The following TAFA4 variants were observed in gnomAD, a reference collection of about 807,000 sequenced individuals.
The protein encoded by TAFA4 is chemokine-like protein TAFA-4.
A neutral mutation model predicts 21.1 loss-of-function variants in TAFA4; 20 were observed. The observed-to-expected ratio is 0.95, with a 90% CI of 0.67 to 1.38. TAFA4 has a LOEUF of 1.38. Ranked by LOEUF, TAFA4 falls within the 40% of genes most tolerant of loss-of-function variation. TAFA4 has a pLI of 0.00. For synonymous variants in TAFA4, 71 were observed against 67.4 expected (o/e 1.05, Z -0.26); for missense variants, 211 against 180.9 (o/e 1.17, Z -0.95).
At chr3:68,807,780 A>G (rs1290906056) in intron 3 of TAFA4, among the ~76,000 whole-genome samples, 2 of 152,198 alleles carry the variant, frequency 1.3e-5, no homozygotes, top group African/African-American at 2.4e-5. Flanking sequence ...CATCACCTAC[A>G]TAAGATTGCT....
At chr3:68,866,768 T>C (rs990928249) in intron 3 of TAFA4, among the ~76,000 whole-genome samples, 1 of 149,338 alleles carries the variant, frequency 6.7e-6, no homozygotes, top group Non-Finnish European at 1.5e-5. Context: ...GAGAAATTCA[T>C]GTGTTGGACC....
At chr3:68,885,862 A>G (rs922232419) in intron 1 of TAFA4, among the ~76,000 whole-genome samples, 1 of 152,176 alleles carries the variant, frequency 6.6e-6, no homozygotes, top group Non-Finnish European at 1.5e-5. Context: ...CCAAAATATA[A>G]AGAACACTTG....
intron 3 of TAFA4, among the ~76,000 whole-genome samples, chr3:68,812,756 G>C (rs1703870961): frequency 1.3e-5 from 2 of 152,088 alleles, no homozygotes; most frequent in African/African-American, 2.4e-5. Context: ...GTCAACATTA[G>C]ACAGATCAAC....
At chr3:68,774,542 C>G (rs1703016823) in intron 3 of TAFA4, among the ~76,000 whole-genome samples, 1 of 152,108 alleles carries the variant, frequency 6.6e-6, no homozygotes, top group Non-Finnish European at 1.5e-5. Flanking sequence ...TGAATCTTGC[C>G]TTTTACTTTT....
intron 4 of TAFA4, among the ~76,000 whole-genome samples, chr3:68,740,902 T>G (rs911518944): frequency 2.6e-5 from 4 of 152,216 alleles, no homozygotes; most frequent in South Asian, 2.1e-4. Flanking sequence ...TTGAAGAGAC[T>G]ATCCTTTCCC....
intron 3 of TAFA4, among the ~76,000 whole-genome samples, chr3:68,812,925 G>A (rs1703874548): frequency 6.6e-6 from 1 of 152,162 alleles, no homozygotes; most frequent in Non-Finnish European, 1.5e-5. Context: ...ATACTTGGAA[G>A]TAAAGTACTC....
rs1411210246 is a variant in TAFA4, at chr3:68,841,255, G to A, written c.130+39475C>T. ...GGAGAATGGCGTGAACCCGGGAGGC[G>A]GAGCTTGCAGTGAGCCGAGATCCCG... On this transcript the variant is annotated intron_variant, in intron 3 of 5. Coordinates refer to ENST00000295569, the MANE Select transcript of TAFA4 (RefSeq NM_182522.5). 2.6e-5 allele frequency among the ~76,000 whole-genome samples: 2 copies of A among 75,924 alleles called. 1 individual carries two copies. The highest frequency in any genetic ancestry group is 8.5e-5 in the African/African-American group (2 of 23,440). 49.8% of individuals were successfully genotyped at this position (75,924 alleles called of 152,430 possible). A position where few individuals can be genotyped will look rare whatever the true frequency, so the allele number is the denominator to read the frequency against.
At chr3:68,883,625 G>A (rs1185941147) in intron 2 of TAFA4, among the ~76,000 whole-genome samples, 1 of 152,142 alleles carries the variant, frequency 6.6e-6, no homozygotes, top group Non-Finnish European at 1.5e-5. Flanking sequence ...CTAATACAAA[G>A]AGAAAGAGTT....
At chr3:68,833,142 C>G (rs916400128) in intron 3 of TAFA4, among the ~76,000 whole-genome samples, 1 of 152,186 alleles carries the variant, frequency 6.6e-6, no homozygotes, top group Non-Finnish European at 1.5e-5. Context: ...AGGGAAATCC[C>G]CCAACCCTTT....
intron 3 of TAFA4, among the ~76,000 whole-genome samples, chr3:68,772,853 AATCCATCC>A (rs923138200): frequency 3.9e-5 from 6 of 152,028 alleles, no homozygotes; most frequent in African/African-American, 9.7e-5. Context: ...TCCATCCGTC[AATCCATCC>A]ATCCATCCAT....
At chr3:68,931,897 C>G (rs1469692236) in intron 1 of TAFA4, among the ~76,000 whole-genome samples, 1 of 152,160 alleles carries the variant, frequency 6.6e-6, no homozygotes, top group African/African-American at 2.4e-5. Flanking sequence ...GAGTTCACCA[C>G]CCCCTATACC....
intron 3 of TAFA4, among the ~76,000 whole-genome samples, chr3:68,801,552 C>T (rs950292285): frequency 2.6e-5 from 4 of 152,194 alleles, no homozygotes; most frequent in African/African-American, 9.6e-5. Flanking sequence ...TCTGTTGACA[C>T]AACATGAATG....
chr3:68,750,423 T>C (rs1209323498), intron 4 of TAFA4, among the ~76,000 whole-genome samples: 2 of 152,220 alleles, frequency 1.3e-5, no homozygotes, highest in African/African-American at 4.8e-5. Context: ...TGCAACCTAA[T>C]ACTGATAGGA....
chr3:68,885,094 A>T, intron 2 of TAFA4, 81 bp downstream of exon 2: 1 of 1,361,980 alleles, frequency 7.3e-7, no homozygotes, highest in Non-Finnish European at 1.0e-6. Context: ...ACGGATCATC[A>T]ACTCCAGGAT....
intron 3 of TAFA4, among the ~76,000 whole-genome samples, chr3:68,757,009 C>T (rs1047589632): frequency 1.3e-5 from 2 of 152,130 alleles, no homozygotes; most frequent in African/African-American, 4.8e-5. Flanking sequence ...TAGCCATGAG[C>T]AGGGGCCAGG....
chr3:68,738,034 A>C (rs1702275635), intron 5 of TAFA4, among the ~76,000 whole-genome samples: 1 of 152,194 alleles, frequency 6.6e-6, no homozygotes, highest in South Asian at 2.1e-4. Context: ...CTCCCACCAG[A>C]CAGAAAGCTC....
chr3:68,786,154 T>C (rs2106805308), intron 3 of TAFA4, among the ~76,000 whole-genome samples: 1 of 152,298 alleles, frequency 6.6e-6, no homozygotes, highest in Admixed American at 6.5e-5. Context: ...CTTTGTGTTT[T>C]TTTAAAAAAG....
intron 4 of TAFA4, among the ~76,000 whole-genome samples, chr3:68,749,887 A>G (rs1255778741): frequency 6.6e-6 from 1 of 152,242 alleles, no homozygotes; most frequent in Non-Finnish European, 1.5e-5. Context: ...ACGGGTGGCT[A>G]ATGGCTACTA....
chr3:68,915,994 A>G (rs1044733254), intron 1 of TAFA4: 3 of 152,244 alleles, frequency 2.0e-5, no homozygotes, highest in African/African-American at 7.2e-5. Context: ...TGCAAAGGCA[A>G]TAACTATTTT....
Sources: allele counts gnomAD v4.1 joint callset (sites outside exome capture counted in the v4.1 genomes callset), GRCh38; gene constraint gnomAD v4.1.1; transcripts MANE v1.5; gene names NCBI Gene and HGNC (gene_info 2026-07-23, HGNC 2026-07-21).